The following ARFGAP3 variants were observed in gnomAD, a reference collection of about 807,000 sequenced individuals.
The protein encoded by ARFGAP3 is ADP-ribosylation factor GTPase-activating protein 3.
Under a neutral mutation model 75.0 loss-of-function variants are expected in ARFGAP3, and 72 were observed. The observed-to-expected ratio is 0.96, with a 90% CI of 0.79 to 1.17. ARFGAP3 has a LOEUF of 1.17. ARFGAP3 is among the 50% of genes most tolerant of loss of function. The pLI is 0.00. For missense variants in ARFGAP3, 620 were observed against 626.6 expected (o/e 0.99, Z 0.11); for synonymous variants, 221 against 217.9 (o/e 1.01, Z -0.13).
At chr22:42,801,239 G>A (rs1924845310) in intron 14 of ARFGAP3, among the ~76,000 whole-genome samples, 1 of 152,228 alleles carries the variant, frequency 6.6e-6, no homozygotes, top group Non-Finnish European at 1.5e-5. Context: ...TGAGAGGCAG[G>A]CGGATTAAGG....
At chr22:42,846,300 G>C (rs570273568) in intron 2 of ARFGAP3, among the ~76,000 whole-genome samples, 1 of 152,352 alleles carries the variant, frequency 6.6e-6, no homozygotes, top group Admixed American at 6.5e-5. Context: ...TGCACAAGTT[G>C]TCCTGGCAAG....
chr22:42,842,885 T>A (rs1433996772), intron 2 of ARFGAP3, among the ~76,000 whole-genome samples: 1 of 152,140 alleles, frequency 6.6e-6, no homozygotes, highest in Non-Finnish European at 1.5e-5. Flanking sequence ...GAGCCCAGAT[T>A]CTGCCCTGGT....
chr22:42,848,772 G>A (rs1927138437), intron 1 of ARFGAP3, among the ~76,000 whole-genome samples: 2 of 152,174 alleles, frequency 1.3e-5, no homozygotes, highest in African/African-American at 4.8e-5. Flanking sequence ...CAGACTCCAA[G>A]ATGGCCCCAG....
chr22:42,857,167 T>A lies in ARFGAP3; in HGVS notation c.16A>T (p.Lys6Ter). ...TTGAAGATGGTCAAGATGTCCTGCT[T>A]GCTGGGGTCCCCCATCGTCAGCTGT... is the stretch of plus-strand genomic sequence containing the variant. MGDPS[K>*]QDILTIFKRL... The change falls in exon 1 of 16, where the codon AAG (lysine) becomes TAG (stop). Residue 6 changes from lysine to a stop codon, truncating the protein, a stop_gained. Transcript: ENST00000263245. LOFTEE classifies it high-confidence loss of function. 6.6e-7 allele frequency: 1 copy of A among 1,516,662 alleles called. No homozygotes were observed. Among genetic ancestry groups the A allele is most frequent in the Non-Finnish European group, 8.8e-7 (1 of 1,130,026 alleles). 94.0% of individuals were successfully genotyped at this position (1,516,662 alleles called of 1,614,324 possible). A position where few individuals can be genotyped will look rare whatever the true frequency, so the allele number is the denominator to read the frequency against.
At chr22:42,847,739 T>C in intron 1 of ARFGAP3, 107 bp from the exon 2 acceptor site, 1 of 1,345,266 alleles carries the variant, frequency 7.4e-7, no homozygotes, top group Non-Finnish European at 9.7e-7. Context: ...CTTTACAATG[T>C]AAACTTTGGG....
chr22:42,837,697 T>TTTTTG (rs1926590342), intron 3 of ARFGAP3, among the ~76,000 whole-genome samples: 1 of 141,194 alleles, frequency 7.1e-6, no homozygotes, highest in African/African-American at 2.7e-5. Flanking sequence ...TTTTTTTTTT[T>TTTTTG]GAGACGGTCT....
chr22:42,829,015 T>C (rs1393253642), intron 6 of ARFGAP3, among the ~76,000 whole-genome samples: 2 of 152,208 alleles, frequency 1.3e-5, no homozygotes, highest in African/African-American at 2.4e-5. Context: ...TAAATTATAA[T>C]AGTGAAAATA....
chr22:42,853,029 A>G (rs5758987), intron 1 of ARFGAP3, among the ~76,000 whole-genome samples: 97,770 of 152,204 alleles, frequency 0.64, 32,900 homozygotes, highest in African/African-American at 0.83. Flanking sequence ...CTCCCAAGGT[A>G]CTGGGGTTAC....
At chr22:42,808,320 C>T (rs905527844) in intron 13 of ARFGAP3, among the ~76,000 whole-genome samples, 1 of 151,316 alleles carries the variant, frequency 6.6e-6, no homozygotes, top group Non-Finnish European at 1.5e-5. Flanking sequence ...ATCGCTTAAA[C>T]TTGGGAGGCG....
intron 6 of ARFGAP3, among the ~76,000 whole-genome samples, chr22:42,827,989 A>C (rs1251313666): frequency 6.6e-6 from 1 of 152,208 alleles, no homozygotes; most frequent in African/African-American, 2.4e-5. Flanking sequence ...CTTTAAAAAT[A>C]GATAAAGTGT....
At chr22:42,842,953 C>T (rs1039270171) in intron 2 of ARFGAP3, among the ~76,000 whole-genome samples, 1 of 152,034 alleles carries the variant, frequency 6.6e-6, no homozygotes, top group African/African-American at 2.4e-5. Flanking sequence ...CTCTCTTGCT[C>T]GCTCCTGCCA....
chr22:42,826,074 C>T (rs1014379925), intron 7 of ARFGAP3, among the ~76,000 whole-genome samples: 3 of 152,118 alleles, frequency 2.0e-5, no homozygotes, highest in Non-Finnish European at 2.9e-5. Context: ...CAAACTCTGA[C>T]GAGTCTAAAA....
intron 6 of ARFGAP3, 139 bp from the exon 7 acceptor site, chr22:42,827,138 CTATTT>C (rs1369065702): frequency 5.3e-6 from 7 of 1,330,552 alleles, no homozygotes; most frequent in East Asian, 2.8e-5. Context: ...GCTGTATATT[CTATTT>C]TAACGTTATA....
chr22:42,845,809 G>A lies in ARFGAP3; in HGVS notation c.188+1705C>T, dbSNP rs191447657. On this transcript the variant is annotated intron_variant, in intron 2 of 15. Coordinates refer to ENST00000263245, the MANE Select transcript of ARFGAP3 (RefSeq NM_014570.5). Reference sequence around the variant, plus strand: ...AATCCCAACACTTTGGGAGGACGAGGGGGGTGGATCACAAGGTCAGGAGAT... The same window carrying A: ...AATCCCAACACTTTGGGAGGACGAGAGGGGTGGATCACAAGGTCAGGAGAT... 4.7e-3 allele frequency among the ~76,000 whole-genome samples: 720 copies of A among 152,100 alleles called. 4 individuals carry two copies. Among genetic ancestry groups the A allele is most frequent in the African/African-American group, 0.017 (703 of 41,500 alleles).
chr22:42,831,593 G>A lies in ARFGAP3; in HGVS notation c.521C>T (p.Ser174Phe), dbSNP rs754824003. The change falls in exon 6 of 16, where the codon TCT becomes TTT. Residue 174 changes from serine (S) to phenylalanine (F), a missense_variant. By Grantham distance (155) the Ser-to-Phe change is radical. Transcript: ENST00000263245. ...AWASAIAEPS[S>F]LTSRPVETTL... is the part of the protein sequence containing the mutation. ...GGTTTCCACAGGCCTTGATGTTAAAGAAGATGGTTCTGCTATTGCTGATGC... is the reference window on the plus strand; with the variant it reads ...GGTTTCCACAGGCCTTGATGTTAAAAAAGATGGTTCTGCTATTGCTGATGC... The A allele has an allele frequency of 1.7e-5, 27 of 1,613,904 alleles. 1 individual carries two copies. Among genetic ancestry groups the A allele is most frequent in the Non-Finnish European group, 2.3e-5 (27 of 1,179,938 alleles).
chr22:42,822,809 A>G (rs563599113), intron 8 of ARFGAP3, among the ~76,000 whole-genome samples: 2 of 150,748 alleles, frequency 1.3e-5, no homozygotes, highest in Admixed American at 6.6e-5. Context: ...CTTACTTTTT[A>G]TTTTTTTTTA....
intron 3 of ARFGAP3, among the ~76,000 whole-genome samples, chr22:42,838,118 G>A (rs1314548428): frequency 6.6e-6 from 1 of 151,628 alleles, no homozygotes; most frequent in African/African-American, 2.4e-5. Context: ...ATCTCATTAG[G>A]GAAACATTGG....
chr22:42,835,559 T>A, intron 3 of ARFGAP3, 66 bp from the exon 4 acceptor site: 1 of 1,580,332 alleles, frequency 6.3e-7, no homozygotes, highest in Non-Finnish European at 8.6e-7. Flanking sequence ...CAGTGGCTCA[T>A]GCCTGTAATC....
rs1314787626 is a variant in ARFGAP3 at position 42,847,498 on chromosome 22, G to C, written c.188+16C>G. ...AATGTAATCAATCTCACCCCAATGA[G>C]AGAAGATTCACTTACCGAATAAAAC... On this transcript the variant is annotated intron_variant, in intron 2 of 15. Transcript: ENST00000263245. The C allele has an allele frequency of 5.0e-6, 8 of 1,599,588 alleles. No homozygotes were observed. The East Asian group carries it at 1.1e-4, about 22-fold the overall frequency.
Sources: gnomAD v4.1 joint callset for allele counts (sites outside exome capture counted in the v4.1 genomes callset) on GRCh38, gnomAD v4.1.1 for gene constraint, MANE v1.5 for transcripts, NCBI Gene and HGNC (gene_info 2026-07-23, HGNC 2026-07-21) for gene names.